Variants in JAKMIP2 observed in about 807,000 individuals in gnomAD.
JAKMIP2 encodes janus kinase and microtubule-interacting protein 2.
JAKMIP2 carries 25 observed loss-of-function variants against 115.0 expected under a neutral mutation model. The observed-to-expected ratio is 0.22, with a 90% CI of 0.16 to 0.30. JAKMIP2 has a LOEUF of 0.30. JAKMIP2 is among the 10% of genes least tolerant of loss of function. The probability of loss-of-function intolerance (pLI) is 1.00; values close to 1 mark genes in which losing one functional copy is unlikely to be tolerated. For missense variants in JAKMIP2, 642 were observed against 957.6 expected (o/e 0.67, Z 4.35); for synonymous variants, 334 against 343.6 (o/e 0.97, Z 0.31).
intron 20 of JAKMIP2, among the ~76,000 whole-genome samples, chr5:147,606,665 G>A (rs1211480045): frequency 6.6e-6 from 1 of 152,134 alleles, no homozygotes; most frequent in Non-Finnish European, 1.5e-5. Flanking sequence ...GGCTATATGG[G>A]CTCATCTTTG....
intron 15 of JAKMIP2, 46 bp downstream of exon 15, chr5:147,629,647 C>G: frequency 7.1e-7 from 1 of 1,417,838 alleles, no homozygotes; most frequent in East Asian, 2.3e-5. Flanking sequence ...TCTCTTGCCT[C>G]TGTTTAGGCA....
chr5:147,770,321 C>G (rs1755303937), intron 1 of JAKMIP2, among the ~76,000 whole-genome samples: 1 of 152,038 alleles, frequency 6.6e-6, no homozygotes, highest in Non-Finnish European at 1.5e-5. Flanking sequence ...TGAAAAATTG[C>G]TCCACCTGGG....
At position 147,590,775 on chromosome 5, in the gene JAKMIP2, G is replaced by A. The variant is rs982515351; in HGVS notation, c.*932C>T. ...GCCCATGTTCCCTATAGATGTTGGC[G>A]TTCTAAACAGAACTAAGTCAGGGAG... On this transcript the variant is annotated 3_prime_UTR_variant, in exon 22 of 22. Transcript: ENST00000616793. The A allele has an allele frequency of 4.6e-5, 7 of 152,124 alleles. No homozygotes were observed. Among genetic ancestry groups the A allele is most frequent in the African/African-American group, 1.2e-4 (5 of 41,430 alleles). 9.4% of individuals were successfully genotyped at this position (152,124 alleles called of 1,614,324 possible).
intron 16 of JAKMIP2, among the ~76,000 whole-genome samples, chr5:147,625,984 C>T (rs1757077358): frequency 6.6e-6 from 1 of 152,118 alleles, no homozygotes; most frequent in Non-Finnish European, 1.5e-5. Flanking sequence ...CTCAAGGTCA[C>T]TGCCATTATT....
At chr5:147,663,942 G>T (rs183758314) in intron 2 of JAKMIP2, among the ~76,000 whole-genome samples, 2 of 152,258 alleles carry the variant, frequency 1.3e-5, no homozygotes, top group African/African-American at 2.4e-5. Flanking sequence ...TTTGAAGTGA[G>T]ATTTTCTCTC....
intron 11 of JAKMIP2, among the ~76,000 whole-genome samples, chr5:147,636,727 C>T (rs1455346821): frequency 2.0e-5 from 3 of 152,182 alleles, no homozygotes; most frequent in African/African-American, 4.8e-5. Flanking sequence ...TACAGGGTTC[C>T]TCTTCCTCTG....
At chr5:147,654,329 T>C (rs561264472) in intron 3 of JAKMIP2, among the ~76,000 whole-genome samples, 1 of 152,302 alleles carries the variant, frequency 6.6e-6, no homozygotes, top group South Asian at 2.1e-4. Flanking sequence ...ATGATGATGA[T>C]TCTTCCTATC....
At chr5:147,679,902 G>T (rs1434876357) in intron 1 of JAKMIP2, among the ~76,000 whole-genome samples, 1 of 152,130 alleles carries the variant, frequency 6.6e-6, no homozygotes, top group Non-Finnish European at 1.5e-5. Context: ...GATAAAGAGA[G>T]CGATTTCATA....
Position 147,640,803 on chromosome 5 carries a change from A to T in JAKMIP2, c.1302T>A (p.Phe434Leu), listed in dbSNP as rs1280608387. The change falls in exon 9 of 22, where the codon TTT (phenylalanine) becomes TTA (leucine). Residue 434 changes from phenylalanine (F) to leucine (L), a missense_variant. Physicochemically the swap from Phe to Leu is conservative, Grantham distance 22. Around this residue, in one of 6 missense-constraint regions of JAKMIP2, gnomAD observed 439 missense variants for 570.9 expected, o/e 0.77. Coordinates refer to ENST00000616793, the MANE Select transcript of JAKMIP2 (RefSeq NM_001270941.2). ...CCATAGAGTCCTCATCATAGCCAAT[A>T]AACGGGTCCAAAACAGGCCTCTAAA... ...KPIKRPVLDPFIGYDEDSMDS... is the reference protein window; with the variant it reads ...KPIKRPVLDPLIGYDEDSMDS... 6.2e-7 allele frequency: 1 copy of T among 1,613,348 alleles called. No homozygotes were observed. Among genetic ancestry groups the T allele is most frequent in the Admixed American group, 1.7e-5 (1 of 60,000 alleles).
At chr5:147,721,427 G>T (rs941649575) in intron 1 of JAKMIP2, among the ~76,000 whole-genome samples, 1 of 152,226 alleles carries the variant, frequency 6.6e-6, no homozygotes, top group African/African-American at 2.4e-5. Context: ...CCTGGGCAAT[G>T]GCGGGCGCCC....
At chr5:147,756,076 T>C (rs1204482904) in intron 1 of JAKMIP2, among the ~76,000 whole-genome samples, 3 of 152,176 alleles carry the variant, frequency 2.0e-5, no homozygotes, top group African/African-American at 4.8e-5. Flanking sequence ...AAGGGACCAA[T>C]AGGAATATTT....
chr5:147,716,013 G>A (rs1444488483), intron 1 of JAKMIP2, among the ~76,000 whole-genome samples: 1 of 110,972 alleles, frequency 9.0e-6, no homozygotes, highest in Non-Finnish European at 1.7e-5. Flanking sequence ...CCCCACAACA[G>A]TCCCCAGAGT....
At chr5:147,707,364 C>A (rs377478233) in intron 1 of JAKMIP2, among the ~76,000 whole-genome samples, 1 of 152,116 alleles carries the variant, frequency 6.6e-6, no homozygotes, top group African/African-American at 2.4e-5. Flanking sequence ...TTAGCCTCAG[C>A]GTAAGCACCA....
chr5:147,600,656 A>C (rs963608928), intron 21 of JAKMIP2, among the ~76,000 whole-genome samples: 4 of 152,064 alleles, frequency 2.6e-5, no homozygotes, highest in Non-Finnish European at 5.9e-5. Context: ...GGCCATCAGA[A>C]TCACATAGCG....
intron 1 of JAKMIP2, among the ~76,000 whole-genome samples, chr5:147,761,335 T>C (rs1754922732): frequency 6.6e-6 from 1 of 152,218 alleles, no homozygotes; most frequent in Non-Finnish European, 1.5e-5. Flanking sequence ...TTATAAATAA[T>C]GTATTTAATA....
chr5:147,649,555 G>A (rs1199317359), intron 4 of JAKMIP2, among the ~76,000 whole-genome samples: 2 of 151,970 alleles, frequency 1.3e-5, no homozygotes, highest in East Asian at 3.9e-4. Context: ...ATGCTATATT[G>A]CGGGTACCTG....
At chr5:147,745,443 T>C (rs1233961674) in intron 1 of JAKMIP2, among the ~76,000 whole-genome samples, 1 of 152,184 alleles carries the variant, frequency 6.6e-6, no homozygotes, top group African/African-American at 2.4e-5. Context: ...ATCATCACTG[T>C]AAGAACTAGT....
At chr5:147,710,534 A>G (rs1752737784) in intron 1 of JAKMIP2, among the ~76,000 whole-genome samples, 1 of 152,202 alleles carries the variant, frequency 6.6e-6, no homozygotes, top group Non-Finnish European at 1.5e-5. Context: ...AAATAAGTCA[A>G]TTAACTCCTT....
At chr5:147,679,106 G>C (rs986251423) in intron 1 of JAKMIP2, among the ~76,000 whole-genome samples, 2 of 151,858 alleles carry the variant, frequency 1.3e-5, no homozygotes, top group South Asian at 4.2e-4. Flanking sequence ...TCAGCCTCCC[G>C]AGTAGCTGGC....
Sources: allele counts gnomAD v4.1 joint callset (sites outside exome capture counted in the v4.1 genomes callset), GRCh38; gene constraint gnomAD v4.1.1; regional missense constraint gnomAD v4.1.1; transcripts MANE v1.5; gene names NCBI Gene and HGNC (gene_info 2026-07-23, HGNC 2026-07-21).